The following TM9SF2 variants were observed in gnomAD, a reference collection of about 807,000 sequenced individuals.
TM9SF2 encodes transmembrane 9 superfamily member 2, also known as 76 kDa membrane protein.
In TM9SF2, 13 loss-of-function variants were observed where a neutral mutation model predicts 84.9. The observed-to-expected ratio is 0.15, with a 90% CI of 0.10 to 0.24. The LOEUF is 0.24. TM9SF2 is among the 10% of genes least tolerant of loss of function. The pLI is 1.00. For synonymous variants in TM9SF2, 273 were observed against 285.8 expected (o/e 0.96, Z 0.45); for missense variants, 562 against 818.5 (o/e 0.69, Z 3.82).
Position 99,540,785 on chromosome 13 carries a change from G to A in TM9SF2, c.900G>A (p.Gln300=), listed in dbSNP as rs1452758309. ...AGTCTATGCCTCATACCCACATTCA[G>A]TGGTTTAGGTAAGAGTACAGAGTTA... The part of the protein sequence containing the change: ...ILESMPHTHI[Q]WFSIMNSLVI... The change falls in exon 8 of 17, where the codon CAG becomes CAA. Residue 300 remains glutamine, a synonymous_variant. Transcript: ENST00000376387. The A allele has an allele frequency of 6.2e-7, 1 of 1,613,614 alleles. No homozygotes were observed. The highest frequency in any genetic ancestry group is 2.2e-5 in the East Asian group (1 of 44,876).
chr13:99,547,838 T>A (rs2046289999), intron 11 of TM9SF2, among the ~76,000 whole-genome samples: 1 of 152,078 alleles, frequency 6.6e-6, no homozygotes, highest in Non-Finnish European at 1.5e-5. Context: ...GTGAAAAAGT[T>A]TTGAGGTGAA....
At chr13:99,515,850 AG>A (rs1462313397) in intron 1 of TM9SF2, among the ~76,000 whole-genome samples, 1 of 149,528 alleles carries the variant, frequency 6.7e-6, no homozygotes, top group African/African-American at 2.5e-5. Flanking sequence ...CTCCTGCCCC[AG>A]CCTCCCCAGT....
chr13:99,505,769 G>T (rs1386065111), intron 1 of TM9SF2, among the ~76,000 whole-genome samples: 1 of 152,166 alleles, frequency 6.6e-6, no homozygotes, highest in Non-Finnish European at 1.5e-5. Flanking sequence ...TCAAATCTTA[G>T]TGTGCCGAGT....
intron 13 of TM9SF2, among the ~76,000 whole-genome samples, chr13:99,552,745 A>G (rs1025686243): frequency 1.2e-4 from 19 of 152,206 alleles, no homozygotes; most frequent in Admixed American, 9.2e-4. Flanking sequence ...CTGGGATTAC[A>G]GGCATGTGCC....
intron 15 of TM9SF2, among the ~76,000 whole-genome samples, chr13:99,559,093 T>G (rs2046334985): frequency 6.6e-6 from 1 of 152,222 alleles, no homozygotes; most frequent in African/African-American, 2.4e-5. Flanking sequence ...AAATACAGCC[T>G]AATGTTTTAT....
At chr13:99,548,290 AT>A (rs1203748533) in intron 11 of TM9SF2, among the ~76,000 whole-genome samples, 4 of 152,198 alleles carry the variant, frequency 2.6e-5, no homozygotes, top group Non-Finnish European at 5.9e-5. Flanking sequence ...TTTGACTGAA[AT>A]TATAGTAAAC....
At chr13:99,552,665 G>GC in intron 13 of TM9SF2, among the ~76,000 whole-genome samples, 1 of 152,090 alleles carries the variant, frequency 6.6e-6, no homozygotes, top group Non-Finnish European at 1.5e-5. Flanking sequence ...GTGCAGTGGC[G>GC]CCATCTCGGC....
chr13:99,512,277 T>C (rs2046116720), intron 1 of TM9SF2, among the ~76,000 whole-genome samples: 1 of 152,252 alleles, frequency 6.6e-6, no homozygotes, highest in Admixed American at 6.5e-5. Context: ...CTGCGTGTAC[T>C]GTTTTCTATT....
intron 1 of TM9SF2, among the ~76,000 whole-genome samples, chr13:99,514,834 C>T (rs1385454663): frequency 6.6e-6 from 1 of 152,204 alleles, no homozygotes; most frequent in Non-Finnish European, 1.5e-5. Flanking sequence ...GCTTAAAACT[C>T]TGCTGGACAT....
chr13:99,506,254 T>A (rs1385118333), intron 1 of TM9SF2, among the ~76,000 whole-genome samples: 1 of 152,186 alleles, frequency 6.6e-6, no homozygotes, highest in Non-Finnish European at 1.5e-5. Context: ...AATTTGACCA[T>A]AGAAGTAGTT....
intron 5 of TM9SF2, among the ~76,000 whole-genome samples, chr13:99,537,136 CATT>C (rs748050398): frequency 5.6e-4 from 19 of 33,826 alleles, no homozygotes; most frequent in Non-Finnish European, 1.4e-3. Flanking sequence ...TCTTTGAGGC[CATT>C]ATTATATTTA....
chr13:99,540,492 ATTC>A (rs1374618553), intron 7 of TM9SF2: 2 of 323,694 alleles, frequency 6.2e-6, no homozygotes, highest in African/African-American at 4.5e-5. Context: ...ATTACTAGGA[ATTC>A]TTTTTTTTTT....
At chr13:99,534,615 C>G (rs1237557443) in intron 4 of TM9SF2, among the ~76,000 whole-genome samples, 3 of 152,180 alleles carry the variant, frequency 2.0e-5, no homozygotes, top group African/African-American at 4.8e-5. Context: ...ATTGGAAAAA[C>G]AAGTAGTTAC....
At chr13:99,529,724 T>C (rs568286107) in intron 4 of TM9SF2, 130 bp downstream of exon 4, 3 of 993,118 alleles carry the variant, frequency 3.0e-6, no homozygotes, top group African/African-American at 3.4e-5. Context: ...TTGTTACTAG[T>C]GGTCGTAGCT....
chr13:99,525,835 G>A (rs1318607379), intron 3 of TM9SF2, among the ~76,000 whole-genome samples: 1 of 152,170 alleles, frequency 6.6e-6, no homozygotes, highest in Non-Finnish European at 1.5e-5. Context: ...GATTACAGGC[G>A]TGAGCCACCG....
In TM9SF2 at chr13:99,563,602, A is replaced by G. The variant is rs1285429739; in HGVS notation, c.*844A>G. The G allele has an allele frequency of 6.6e-6, 1 of 152,248 alleles. No homozygotes were observed. The highest frequency in any genetic ancestry group is 2.4e-5 in the African/African-American group (1 of 41,466). The allele number at this position is 152,248 out of a possible 1,614,324, so 9.4% of individuals were successfully genotyped here. ...TGAGGCAGTAGAGGAGGTTGAAGTC[A>G]TGCATATCTAGACAGATGAATTATC... On this transcript the variant is annotated 3_prime_UTR_variant, in exon 17 of 17. Coordinates refer to ENST00000376387, the MANE Select transcript of TM9SF2 (RefSeq NM_004800.3).
chr13:99,546,873 T>C, intron 10 of TM9SF2, 112 bp from the exon 11 acceptor site: 1 of 1,440,568 alleles, frequency 6.9e-7, no homozygotes, highest in South Asian at 1.3e-5. Flanking sequence ...CACATGGTTT[T>C]GCGTGAAGTT....
At position 99,501,489 on chromosome 13, in the gene TM9SF2, C is replaced by T. The variant is rs1167230327; in HGVS notation, c.-118C>T. On this transcript the variant is annotated 5_prime_UTR_variant, in exon 1 of 17. Coordinates refer to ENST00000376387, the MANE Select transcript of TM9SF2 (RefSeq NM_004800.3). ...TGTCTCCTAGCGCAACCGGAACTAG[C>T]CTTCTGGGGGCCGGCTTCCTTTATC... 1.3e-5 allele frequency: 18 copies of T among 1,339,434 alleles called. No individual in the cohort carries two copies. The highest frequency in any genetic ancestry group is 1.8e-5 in the Non-Finnish European group (18 of 987,850). The allele number at this position is 1,339,434 out of a possible 1,614,324, so 83.0% of individuals were successfully genotyped here. A position where few individuals can be genotyped will look rare whatever the true frequency, so the allele number is the denominator to read the frequency against.
intron 1 of TM9SF2, among the ~76,000 whole-genome samples, chr13:99,510,700 T>C (rs1594044833): frequency 6.6e-6 from 1 of 152,214 alleles, no homozygotes; most frequent in African/African-American, 2.4e-5. Context: ...AAATTCACCC[T>C]CATGATCCAG....
Sources: gnomAD v4.1 joint callset for allele counts (sites outside exome capture counted in the v4.1 genomes callset) on GRCh38, gnomAD v4.1.1 for gene constraint, MANE v1.5 for transcripts, NCBI Gene and HGNC (gene_info 2026-07-23, HGNC 2026-07-21) for gene names.